CSF1: variants seen among roughly 807,000 people sequenced by gnomAD.
CSF1 encodes colony stimulating factor 1.
A neutral mutation model predicts 48.9 loss-of-function variants in CSF1; 9 were observed. The observed-to-expected ratio is 0.18, with a 90% CI of 0.11 to 0.32. The LOEUF (loss-of-function observed/expected upper bound fraction) is 0.32. Among genes scored for constraint, CSF1 ranks in the 10% least tolerant of loss-of-function variants. The probability of loss-of-function intolerance (pLI) is 1.00; values close to 1 mark genes in which losing one functional copy is unlikely to be tolerated. For missense variants in CSF1, 672 were observed against 697.9 expected, an observed-to-expected ratio of 0.96 and a Z score of 0.42; for synonymous variants, 305 against 284.1, an observed-to-expected ratio of 1.07 and a Z score of -0.74.
At chr1:109,927,933 G>A (rs1474787985) in intron 8 of CSF1, among the ~76,000 whole-genome samples, 1 of 152,232 alleles carries the variant, frequency 6.6e-6, no homozygotes, top group Non-Finnish European at 1.5e-5. Context: ...TGGGCCTGTG[G>A]CCTGGCTGTA....
intron 8 of CSF1, among the ~76,000 whole-genome samples, chr1:109,925,560 C>G (rs1351045507): frequency 6.6e-6 from 1 of 152,164 alleles, no homozygotes; most frequent in Non-Finnish European, 1.5e-5. Context: ...CTCTGTGTGG[C>G]AGCCACTGCA....
chr1:109,924,124 G>A lies in CSF1; in HGVS notation c.1503G>A (p.Leu501=). ...TCCAGGAGTCTGTCTTCCACCTGCT[G>A]GTGCCCAGTGTCATCCTGGTCTTGC... ...PQLQESVFHL[L]VPSVILVLLA... Residue 501 remains leucine (L), a synonymous_variant, in exon 6 of 9, where the codon CTG becomes CTA. Transcript: ENST00000329608. The A allele has an allele frequency of 3.7e-6, 6 of 1,614,156 alleles. No homozygotes were observed. The highest frequency in any genetic ancestry group is 5.1e-6 in the Non-Finnish European group (6 of 1,180,016).
intron 1 of CSF1, among the ~76,000 whole-genome samples, chr1:109,914,044 G>A (rs1021931511): frequency 6.6e-6 from 1 of 152,236 alleles, no homozygotes; most frequent in South Asian, 2.1e-4. Context: ...TCTTGTAGAA[G>A]GTGACATCTG....
rs1647648155 is a variant in CSF1, at chr1:109,923,256, C to T, written c.635C>T (p.Ala212Val). 2 of 1,607,248 alleles carry T rather than the reference C, an allele frequency of 1.2e-6. No homozygotes were observed. The highest frequency in any genetic ancestry group is 1.7e-5 in the Admixed American group (1 of 59,114). ...PASVSPHQPL[A>V]PSMAPVAGLT... ...TCTGTCTCCCCTCATCAGCCCCTCG[C>T]CCCCTCCATGGCCCCTGTGGCTGGC... The change falls in exon 6 of 9, where the codon GCC (alanine) becomes GTC (valine). Residue 212 changes from alanine (A) to valine (V), a missense_variant. Around this residue, in one of 3 missense-constraint regions of CSF1, gnomAD observed 591 missense variants for 593.6 expected, o/e 1.00. Coordinates refer to ENST00000329608, the MANE Select transcript of CSF1 (RefSeq NM_000757.6).
At chr1:109,914,180 G>A in intron 1 of CSF1, 79 bp from the exon 2 acceptor site, 1 of 1,455,918 alleles carries the variant, frequency 6.9e-7, no homozygotes, top group East Asian at 2.5e-5. Flanking sequence ...TGAGGCCTTT[G>A]TTTTTCTGCG....
intron 4 of CSF1, 120 bp downstream of exon 4, chr1:109,917,583 T>C: frequency 9.8e-7 from 1 of 1,019,884 alleles, no homozygotes; most frequent in Non-Finnish European, 1.5e-6. Flanking sequence ...GCTTGCTCAC[T>C]CTCATTTATT....
chr1:109,910,575 G>A, upstream of CSF1: 1 of 286,074 alleles, frequency 3.5e-6, no homozygotes, highest in Non-Finnish European at 7.4e-6. Flanking sequence ...GGGTGGGGAC[G>A]CGGTGGAGCC....
rs1422168866 is a variant in CSF1 at position 109,929,760 on chromosome 1, A to G, written c.*922A>G. 2.0e-5 allele frequency: 3 copies of G among 152,888 alleles called. No individual in the cohort carries two copies. The highest frequency in any genetic ancestry group is 1.3e-4 in the Admixed American group (2 of 15,266). The allele number at this position is 152,888 out of a possible 1,614,324, so 9.5% of individuals were successfully genotyped here. ...CCTCCTGCACTGAGCTGGCCTCACC[A>G]GTCGACTGAGGGAGCCCCTCAGCCC... On this transcript the variant is annotated 3_prime_UTR_variant, in exon 9 of 9. Coordinates refer to ENST00000329608, the MANE Select transcript of CSF1 (RefSeq NM_000757.6).
At chr1:109,927,009 C>T (rs1176632686) in intron 8 of CSF1, among the ~76,000 whole-genome samples, 1 of 152,208 alleles carries the variant, frequency 6.6e-6, no homozygotes, top group African/African-American at 2.4e-5. Flanking sequence ...GACCAGTTAA[C>T]CAGCTAACTG....
rs1369544832 is a variant in CSF1, at chr1:109,923,493, T to G, written c.872T>G (p.Met291Arg). The G allele has an allele frequency of 1.2e-6, 2 of 1,613,994 alleles. No homozygotes were observed. Among genetic ancestry groups the G allele is most frequent in the East Asian group, 2.2e-5 (1 of 44,882 alleles). ...TCTGTCGGGGCCTTCAACCCCGGGA[T>G]GGAGGATATTCTTGACTCTGCAATG... ...RPSVGAFNPG[M>R]EDILDSAMGT... The change falls in exon 6 of 9, where the codon ATG becomes AGG. Residue 291 changes from methionine (M) to arginine (R), a missense_variant. Around this residue, in one of 3 missense-constraint regions of CSF1, gnomAD observed 591 missense variants for 593.6 expected, o/e 1.00. Coordinates refer to ENST00000329608, the MANE Select transcript of CSF1 (RefSeq NM_000757.6).
intron 7 of CSF1, 46 bp from the exon 8 acceptor site, chr1:109,925,101 C>G: frequency 1.3e-6 from 2 of 1,570,920 alleles, no homozygotes; most frequent in South Asian, 2.2e-5. Flanking sequence ...CCCTTATTCC[C>G]CTGCTCCTGC....
chr1:109,923,260 CT>C lies in CSF1; in HGVS notation c.640del (p.Ser214ProfsTer8). On this transcript the variant is annotated frameshift_variant, in exon 6 of 9. Transcript: ENST00000329608. LOFTEE classifies it high-confidence loss of function. ...SVSPHQPLAP[S>X]MAPVAGLTWE... ...TCTCCCCTCATCAGCCCCTCGCCCCCTCCATGGCCCCTGTGGCTGGCTTGAC... is the reference window on the plus strand; with the variant it reads ...TCTCCCCTCATCAGCCCCTCGCCCCCCCATGGCCCCTGTGGCTGGCTTGAC... 6.2e-7 allele frequency: 1 copy of C among 1,610,128 alleles called. No individual in the cohort carries two copies. The highest frequency in any genetic ancestry group is 8.5e-7 in the Non-Finnish European group (1 of 1,177,980).
At chr1:109,924,260 G>A in intron 6 of CSF1, 70 bp downstream of exon 6, 2 of 1,404,790 alleles carry the variant, frequency 1.4e-6, no homozygotes, top group Non-Finnish European at 1.9e-6. Flanking sequence ...GGGGGTGCAG[G>A]TGGGGGGACA....
rs1305620064 is a variant in CSF1, at chr1:109,929,814, C to G, written c.*976C>G. On this transcript the variant is annotated 3_prime_UTR_variant, in exon 9 of 9. Transcript: ENST00000329608. ...CCTTCTCCTGACCTGGCCTTTGACT[C>G]CCCGGAGTGGAGTGGGGTGGGAGAA... The G allele has an allele frequency of 6.5e-6, 1 of 152,868 alleles. No homozygotes were observed. Among genetic ancestry groups the G allele is most frequent in the Non-Finnish European group, 1.5e-5 (1 of 68,332 alleles). The allele number at this position is 152,868 out of a possible 1,614,324, so 9.5% of individuals were successfully genotyped here.
intron 4 of CSF1, 141 bp downstream of exon 4, chr1:109,917,604 C>T: frequency 2.4e-6 from 2 of 850,058 alleles, no homozygotes; most frequent in Non-Finnish European, 1.8e-6. Flanking sequence ...TGTCATCCCA[C>T]CAACCTTTAC....
intron 2 of CSF1, 110 bp from the exon 3 acceptor site, chr1:109,915,524 A>G: frequency 1.1e-6 from 1 of 876,020 alleles, no homozygotes; most frequent in Non-Finnish European, 1.9e-6. Context: ...GGCAGGGATG[A>G]AGTTCAAACC....
rs549813044 is a variant in CSF1 at position 109,930,277 on chromosome 1, G to A, written c.*1439G>A. 3 of 152,426 alleles carry A rather than the reference G, an allele frequency of 2.0e-5. No homozygotes were observed. The highest frequency in any genetic ancestry group is 1.9e-4 in the East Asian group (1 of 5,170). The allele number at this position is 152,426 out of a possible 1,614,324, so 9.4% of individuals were successfully genotyped here. On this transcript the variant is annotated 3_prime_UTR_variant, in exon 9 of 9. Coordinates refer to ENST00000329608, the MANE Select transcript of CSF1 (RefSeq NM_000757.6). ...ATCACCTCTAACCAGGCAAGCCAGGGTGGGAGAGCAATCAGGAGAGCCAGG... is the reference window on the plus strand; with the variant it reads ...ATCACCTCTAACCAGGCAAGCCAGGATGGGAGAGCAATCAGGAGAGCCAGG...
chr1:109,918,347 G>C (rs1412458523), intron 4 of CSF1, among the ~76,000 whole-genome samples: 1 of 152,176 alleles, frequency 6.6e-6, no homozygotes, highest in Middle Eastern at 3.2e-3. Flanking sequence ...GTGGGATTTT[G>C]TCTTAAGGGT....
intron 8 of CSF1, among the ~76,000 whole-genome samples, chr1:109,927,584 A>C (rs1647898633): frequency 3.3e-5 from 5 of 150,018 alleles, no homozygotes; most frequent in Non-Finnish European, 3.0e-5. Context: ...GCTTATTCTC[A>C]GGCCCGTCCC....
Sources: allele counts gnomAD v4.1 joint callset (sites outside exome capture counted in the v4.1 genomes callset), GRCh38; gene constraint gnomAD v4.1.1; regional missense constraint gnomAD v4.1.1; transcripts MANE v1.5; gene names NCBI Gene and HGNC (gene_info 2026-07-23, HGNC 2026-07-21).